CPB2: variants seen among roughly 807,000 people sequenced by gnomAD.
The protein encoded by CPB2 is carboxypeptidase B-like protein.
In CPB2, 54 loss-of-function variants were observed where a neutral mutation model predicts 57.0. The ratio of observed to expected loss-of-function variants is 0.95; its 90% CI spans 0.76 to 1.19. The LOEUF (loss-of-function observed/expected upper bound fraction) is 1.19, where lower values mean the gene tolerates loss of function less well. Ranked by LOEUF, CPB2 falls within the 50% of genes most tolerant of loss-of-function variation. The probability of loss-of-function intolerance (pLI) is 0.00; values close to 1 mark genes in which losing one functional copy is unlikely to be tolerated. For synonymous variants in CPB2, 189 were observed against 178.1 expected, an observed-to-expected ratio of 1.06 and a Z score of -0.49; for missense variants, 426 against 512.0, an observed-to-expected ratio of 0.83 and a Z score of 1.62.
At chr13:46,088,379 T>G (rs1268572422) in intron 1 of CPB2, among the ~76,000 whole-genome samples, 1 of 152,236 alleles carries the variant, frequency 6.6e-6, no homozygotes, top group Non-Finnish European at 1.5e-5. Context: ...TACCCTTAGA[T>G]TTGCCTGATT....
intron 1 of CPB2, among the ~76,000 whole-genome samples, chr13:46,088,574 G>A (rs927268245): frequency 6.6e-6 from 1 of 152,170 alleles, no homozygotes; most frequent in African/African-American, 2.4e-5. Flanking sequence ...TCATAGGATA[G>A]TGTCATATCA....
rs1191108882 is a variant in CPB2 at position 46,055,793 on chromosome 13, C to G, written c.1056G>C (p.Arg352Ser). Residue 352 changes from arginine (R) to serine (S), a missense_variant, in exon 10 of 11, where the codon AGG becomes AGC. Coordinates refer to ENST00000181383, the MANE Select transcript of CPB2 (RefSeq NM_001872.5). ...TTTCTGAGCCATGGCCATGTGTATACCTGGTATTTTTACTAATTTTCTCAA... is the reference window on the plus strand; with the variant it reads ...TTTCTGAGCCATGGCCATGTGTATAGCTGGTATTTTTACTAATTTTCTCAA... ...RAIEKISKNT[R>S]YTHGHGSETL... 6.2e-7 allele frequency: 1 copy of G among 1,601,770 alleles called. No homozygotes were observed. The highest frequency in any genetic ancestry group is 8.5e-7 in the Non-Finnish European group (1 of 1,171,880).
chr13:46,094,615 C>A (rs2045340154), intron 1 of CPB2, among the ~76,000 whole-genome samples: 1 of 152,104 alleles, frequency 6.6e-6, no homozygotes, highest in Non-Finnish European at 1.5e-5. Flanking sequence ...CCACCAGTAA[C>A]AAGTTGGGCA....
chr13:46,087,671 A>T, intron 2 of CPB2, 74 bp downstream of exon 2: 1 of 949,322 alleles, frequency 1.1e-6, no homozygotes, highest in Non-Finnish European at 1.7e-6. Flanking sequence ...GCCAGACAAC[A>T]TACAGGAGGA....
rs770451744 is a variant in CPB2, at chr13:46,084,363, A to T, written c.151-20T>A. 8.7e-6 allele frequency: 14 copies of T among 1,613,020 alleles called. No individual in the cohort carries two copies. In the Admixed American group the frequency reaches 2.3e-4, roughly 27 times the overall value. ...AACAATCTACAGTTTAAGGGGCAAA[A>T]TTGATAAAATTAAAAAAGAGTTGTT... On this transcript the variant is annotated intron_variant, in intron 2 of 10. Coordinates refer to ENST00000181383, the MANE Select transcript of CPB2 (RefSeq NM_001872.5).
chr13:46,102,174 T>C (rs1458497030), intron 1 of CPB2, among the ~76,000 whole-genome samples: 1 of 152,184 alleles, frequency 6.6e-6, no homozygotes, highest in African/African-American at 2.4e-5. Context: ...AAGCCCTTTA[T>C]CCTCAACCCT....
chr13:46,102,946 T>G (rs1412774261), intron 1 of CPB2, among the ~76,000 whole-genome samples: 1 of 152,176 alleles, frequency 6.6e-6, no homozygotes, highest in African/African-American at 2.4e-5. Flanking sequence ...TTCTCATTCC[T>G]TTTTTCAAGC....
chr13:46,073,290 T>C (rs901633934), intron 6 of CPB2: 4 of 156,776 alleles, frequency 2.6e-5, no homozygotes, highest in Non-Finnish European at 5.5e-5. Context: ...TGAAGCATAA[T>C]TTTTACTGTT....
At chr13:46,094,478 G>C (rs2045338017) in intron 1 of CPB2, among the ~76,000 whole-genome samples, 1 of 152,182 alleles carries the variant, frequency 6.6e-6, no homozygotes, top group South Asian at 2.1e-4. Context: ...TGGCTTGAAG[G>C]CCAGGAGGGG....
intron 7 of CPB2, 48 bp from the exon 8 acceptor site, chr13:46,064,789 G>A (rs768678424): frequency 4.7e-5 from 69 of 1,470,722 alleles, no homozygotes; most frequent in Non-Finnish European, 6.1e-5. Flanking sequence ...CACGTTCAAG[G>A]CCTGAGGAAA....
At chr13:46,067,489 T>G in intron 6 of CPB2, 72 bp from the exon 7 acceptor site, 1 of 792,866 alleles carries the variant, frequency 1.3e-6, no homozygotes, top group Non-Finnish European at 2.1e-6. Flanking sequence ...TCTTTTTCTT[T>G]TTTTTAATTT....
intron 8 of CPB2, among the ~76,000 whole-genome samples, chr13:46,058,950 G>C (rs541889743): frequency 1.3e-5 from 2 of 152,284 alleles, no homozygotes; most frequent in Non-Finnish European, 2.9e-5. Context: ...GAGATGGTAG[G>C]CTGCCTTCCA....
At chr13:46,104,517 T>C (rs532415850) in intron 1 of CPB2, among the ~76,000 whole-genome samples, 1 of 152,340 alleles carries the variant, frequency 6.6e-6, no homozygotes, top group East Asian at 1.9e-4. Flanking sequence ...ACCTCCTATT[T>C]AACACTTCAC....
chr13:46,103,303 G>A (rs1460731351), intron 1 of CPB2, among the ~76,000 whole-genome samples: 1 of 152,236 alleles, frequency 6.6e-6, no homozygotes, highest in African/African-American at 2.4e-5. Context: ...CTGCTAGTGG[G>A]TGAGAACCAT....
rs191750122 is a variant in CPB2 at position 46,071,929 on chromosome 13, A to T, written c.591+1944T>A. On this transcript the variant is annotated intron_variant, in intron 6 of 10. Transcript: ENST00000181383. ...GAGTTTTCTAGGGCAGAGGTTTGGC[A>T]GGAGGTTAGCAGTGAGAAAAGCCAT... 2.5e-4 allele frequency among the ~76,000 whole-genome samples: 38 copies of T among 152,320 alleles called. 1 individual carries two copies. In the East Asian group the frequency reaches 6.7e-3, roughly 27 times the overall value.
At chr13:46,074,290 G>A (rs2044988064) in intron 5 of CPB2, among the ~76,000 whole-genome samples, 1 of 152,214 alleles carries the variant, frequency 6.6e-6, no homozygotes, top group African/African-American at 2.4e-5. Context: ...GAAGAGACCA[G>A]AGAACTAATG....
chr13:46,069,808 G>GT (rs1171715841), intron 6 of CPB2, among the ~76,000 whole-genome samples: 1 of 151,946 alleles, frequency 6.6e-6, no homozygotes, highest in African/African-American at 2.4e-5. Flanking sequence ...ATAATCATTT[G>GT]TCAACATATG....
At chr13:46,079,535 C>CAAAAAAAAAAA (rs58164990) in intron 4 of CPB2, among the ~76,000 whole-genome samples, 36 of 110,980 alleles carry the variant, frequency 3.2e-4, no homozygotes, top group South Asian at 9.0e-4. Flanking sequence ...AAGGAAAAAG[C>CAAAAAAAAAAA]AAAAAAAAAA....
intron 2 of CPB2, among the ~76,000 whole-genome samples, chr13:46,084,928 G>A (rs1392954955): frequency 6.6e-6 from 1 of 151,490 alleles, no homozygotes; most frequent in African/African-American, 2.4e-5. Flanking sequence ...TTGGCTCACT[G>A]CAAGCTCTGC....
Sources: allele counts gnomAD v4.1 joint callset (sites outside exome capture counted in the v4.1 genomes callset), GRCh38; gene constraint gnomAD v4.1.1; transcripts MANE v1.5; gene names NCBI Gene and HGNC (gene_info 2026-07-23, HGNC 2026-07-21).